The following TTN variants were observed in gnomAD, a reference collection of about 807,000 sequenced individuals.
TTN encodes the protein connectin.
In TTN, 1,525 loss-of-function variants were observed where a neutral mutation model predicts 3,223.0. That is an observed-to-expected ratio of 0.47 (90% CI 0.45 to 0.49). The LOEUF is 0.49. Among genes scored for constraint, TTN ranks in the 20% least tolerant of loss-of-function variants. The pLI is 0.00. For missense variants in TTN, 40,786 were observed against 43,424.0 expected (o/e 0.94, Z 5.40); for synonymous variants, 14,094 against 15,161.0 (o/e 0.93, Z 5.17).
chr2:178,531,967 C>T lies in TTN; in HGVS notation c.104648G>A (p.Arg34883His), dbSNP rs368063908. 16 of 1,613,428 alleles carry T rather than the reference C, an allele frequency of 9.9e-6. No individual in the cohort carries two copies. The highest frequency in any genetic ancestry group is 5.3e-5 in the African/African-American group (4 of 74,848). Residue 34883 changes from arginine to histidine, a missense_variant, in exon 358 of 363, where the codon CGC becomes CAC. Physicochemically the swap from Arg to His is conservative, Grantham distance 29. Coordinates refer to ENST00000589042, the MANE Select transcript of TTN (RefSeq NM_001267550.2). ...AGACACAGGGCTGGGGGATCGTGGG[C>T]GAGTTCTCTCTGGAGTAGGTGACCT... ...ERRSPTPERT[R>H]PRSPSPVSSE...
chr2:178,541,386 A>C lies in TTN; in HGVS notation c.97691T>G (p.Leu32564Arg). 1 of 1,610,816 alleles carries C rather than the reference A, an allele frequency of 6.2e-7. No homozygotes were observed. Among genetic ancestry groups the C allele is most frequent in the Non-Finnish European group, 8.5e-7 (1 of 1,178,386 alleles). ...VTMTRYRSTG[L>R]TEGLEYEHRV... The stretch of plus-strand genomic sequence containing the variant: ...GTGTTCATATTCTAAGCCTTCAGTA[A>C]GGCCAGTGGAGCGGTACCGTGTCAT... Residue 32564 changes from leucine to arginine, a missense_variant, in exon 350 of 363, where the codon CTT (leucine) becomes CGT (arginine). Leu to Arg is a moderately radical substitution (Grantham distance 102, BLOSUM62 -2). Coordinates refer to ENST00000589042, the MANE Select transcript of TTN (RefSeq NM_001267550.2).
Position 178,540,326 on chromosome 2 carries a change from T to C in TTN, c.97840A>G (p.Arg32614Gly), listed in dbSNP as rs1393941873. 6.2e-7 allele frequency: 1 copy of C among 1,613,690 alleles called. No homozygotes were observed. Among genetic ancestry groups the C allele is most frequent in the Non-Finnish European group, 8.5e-7 (1 of 1,179,666 alleles). ...PQNPRVTDTT[R>G]TSVSLAWSVP... ...CTCCAGGCCAGGGAGACTGATGTCC[T>C]TGTTGTATCAGTAACTCTTGGGTTT... The change falls in exon 351 of 363, where the codon AGG (arginine) becomes GGG (glycine). Residue 32614 changes from arginine to glycine, a missense_variant. Physicochemically the swap from Arg to Gly is moderately radical, Grantham distance 125. Coordinates refer to ENST00000589042, the MANE Select transcript of TTN (RefSeq NM_001267550.2).
Position 178,614,871 on chromosome 2 carries a change from CCT to C in TTN, c.48734_48735del (p.Glu16245GlyfsTer32). 1.9e-6 allele frequency: 3 copies of C among 1,574,156 alleles called. No homozygotes were observed. Among genetic ancestry groups the C allele is most frequent in the Non-Finnish European group, 2.6e-6 (3 of 1,158,350 alleles). ...CCTTGTGTGTCCACAGCCTGGATTT[CCT>C]CTGTGGGTCTGCTTGGTTTGCTAGC... The part of the protein sequence containing the change: ...QGASKPSRPT[E>X]EIQAVDTQEA... On this transcript the variant is annotated frameshift_variant, in exon 260 of 363. Coordinates refer to ENST00000589042, the MANE Select transcript of TTN (RefSeq NM_001267550.2). LOFTEE classifies it high-confidence loss of function.
chr2:178,632,976 T>G lies in TTN; in HGVS notation c.43155A>C (p.Thr14385=). ...LILHNCQLGM[T]GEVSFQAANA... is the part of the protein sequence containing the mutation. Reference sequence around the variant, plus strand: ...TAGCAGCCTGGAAGGAAACCTCTCCTGTCATACCCAGCTGACAGTTATGAA... The same window carrying G: ...TAGCAGCCTGGAAGGAAACCTCTCCGGTCATACCCAGCTGACAGTTATGAA... The change falls in exon 234 of 363, where the codon ACA becomes ACC. Residue 14385 remains threonine, a synonymous_variant. Coordinates refer to ENST00000589042, the MANE Select transcript of TTN (RefSeq NM_001267550.2). 6.2e-7 allele frequency: 1 copy of G among 1,613,270 alleles called. No homozygotes were observed. Among genetic ancestry groups the G allele is most frequent in the Non-Finnish European group, 8.5e-7 (1 of 1,179,450 alleles).
chr2:178,533,358 A>G lies in TTN; in HGVS notation c.103257T>C (p.Tyr34419=), dbSNP rs756803109. The change falls in exon 358 of 363, where the codon TAT becomes TAC. Residue 34419 remains tyrosine, a synonymous_variant. Coordinates refer to ENST00000589042, the MANE Select transcript of TTN (RefSeq NM_001267550.2). ...GCAAAGTGTCCCTGATGTGCAGAGC[A>G]TAATAATCCAAGCCTTCATGGATAA... ...IEIIHEGLDY[Y]ALHIRDTLPE... The G allele has an allele frequency of 2.5e-6, 4 of 1,613,562 alleles. No homozygotes were observed. Among genetic ancestry groups the G allele is most frequent in the African/African-American group, 2.7e-5 (2 of 74,922 alleles).
chr2:178,791,410 A>G (rs1259758788), intron 10 of TTN, among the ~76,000 whole-genome samples: 2 of 152,172 alleles, frequency 1.3e-5, no homozygotes, highest in African/African-American at 4.8e-5. Flanking sequence ...GAAGAATTCA[A>G]GATAAATGCC....
At chr2:178,774,543 G>A (rs1561267437) in intron 29 of TTN, 70 bp from the exon 30 acceptor site, 1 of 1,476,766 alleles carries the variant, frequency 6.8e-7, no homozygotes, top group East Asian at 2.3e-5. Flanking sequence ...GGATAGAGAT[G>A]ATGTCTTGTA....
Position 178,563,897 on chromosome 2 carries a change from G to T in TTN, c.82235C>A (p.Thr27412Lys), listed in dbSNP as rs201489661. The T allele has an allele frequency of 2.4e-4, 384 of 1,613,732 alleles. No homozygotes were observed. The highest frequency in any genetic ancestry group is 1.0e-3 in the South Asian group (93 of 91,074). Reference protein sequence around the residue: ...ISHYIIEKRETSRLSWTQVST... With the variant: ...ISHYIIEKREKSRLSWTQVST... Reference sequence around the variant, plus strand: ...AACCTGGGTCCAAGAGAGTCGGCTTGTCTCCCTCTTTTCAATGATGTAATG... The same window carrying T: ...AACCTGGGTCCAAGAGAGTCGGCTTTTCTCCCTCTTTTCAATGATGTAATG... Residue 27412 changes from threonine to lysine, a missense_variant, in exon 326 of 363, where the codon ACA (threonine) becomes AAA (lysine). Coordinates refer to ENST00000589042, the MANE Select transcript of TTN (RefSeq NM_001267550.2). This position sits in a 1 kb window ranked among gnomAD's most constrained non-coding sequence, Gnocchi z 4.5.
rs377575788 is a variant in TTN, at chr2:178,604,194, G to A, written c.54493C>T (p.Arg18165Cys). The A allele has an allele frequency of 3.1e-5, 50 of 1,611,726 alleles. No individual in the cohort carries two copies. Among genetic ancestry groups the A allele is most frequent in the Middle Eastern group, 3.3e-4 (2 of 6,062 alleles). Residue 18165 changes from arginine (R) to cysteine (C), a missense_variant, in exon 282 of 363, where the codon CGC becomes TGC. Arg to Cys is a radical substitution (Grantham distance 180, BLOSUM62 -3). Coordinates refer to ENST00000589042, the MANE Select transcript of TTN (RefSeq NM_001267550.2). The part of the protein sequence containing the change: ...SDKVVIQDPY[R>C]LPGPPGKPKV... ...GGTTTTCCTGGAGGTCCAGGAAGGC[G>A]ATAAGGATCTTGAATGACTACTTTA...
At position 178,546,253 on chromosome 2, in the gene TTN, G is replaced by T. The variant is rs2288326; in HGVS notation, c.95078C>A (p.Ala31693Asp). The T allele has an allele frequency of 2.0e-4, 316 of 1,613,268 alleles. 2 individuals are homozygous for T. The East Asian group carries it at 6.8e-3, about 35-fold the overall frequency. The stretch of plus-strand genomic sequence containing the variant: ...GACAGACACGGCCTTGGTCCCGCTG[G>T]CATTTTTCACTGTTAAAGTGTATTT... ...SGKYTLTVKN[A>D]SGTKAVSVMV... The change falls in exon 342 of 363, where the codon GCC (alanine) becomes GAC (aspartate). Residue 31693 changes from alanine to aspartate, a missense_variant. Transcript: ENST00000589042.
At chr2:178,684,454 G>A (rs2070293665) in intron 131 of TTN, 41 bp from the exon 132 acceptor site, 1 of 1,587,464 alleles carries the variant, frequency 6.3e-7, no homozygotes, top group South Asian at 1.1e-5. Context: ...ATATCAAAGT[G>A]GACGTAAAAA....
rs756578823 is a variant in TTN at position 178,652,693 on chromosome 2, G to A, written c.39003C>T (p.Pro13001=). Residue 13001 remains proline, a synonymous_variant, in exon 201 of 363, where the codon CCC becomes CCT. Coordinates refer to ENST00000589042, the MANE Select transcript of TTN (RefSeq NM_001267550.2). ...CTTCAGGCTTTTTAGGAGGAGCCGA[G>A]GGCACTTTCTTTTCAGGAACAACCT... The part of the protein sequence containing the change: ...PKEVVPEKKV[P]SAPPKKPEVP... 9 of 1,606,380 alleles carry A rather than the reference G, an allele frequency of 5.6e-6. No homozygotes were observed. Among genetic ancestry groups the A allele is most frequent in the Non-Finnish European group, 6.8e-6 (8 of 1,176,594 alleles).
chr2:178,791,583 AT>A (rs934572185), intron 10 of TTN, among the ~76,000 whole-genome samples: 2 of 150,988 alleles, frequency 1.3e-5, no homozygotes, highest in African/African-American at 4.9e-5. Flanking sequence ...TTGAGGAAGT[AT>A]TTGCTTTCTC....
rs1056281241 is a variant in TTN, at chr2:178,550,991, T to C, written c.91540A>G (p.Ile30514Val). 1 of 1,613,186 alleles carries C rather than the reference T, an allele frequency of 6.2e-7. No individual in the cohort carries two copies. The highest frequency in any genetic ancestry group is 8.5e-7 in the Non-Finnish European group (1 of 1,179,540). The change falls in exon 336 of 363, where the codon ATT becomes GTT. Residue 30514 changes from isoleucine to valine, a missense_variant. Physicochemically the swap from Ile to Val is conservative, Grantham distance 29. Coordinates refer to ENST00000589042, the MANE Select transcript of TTN (RefSeq NM_001267550.2). ...CCATTTTCATCTCTTGTCATAATAA[T>C]GCCAGAAGACTGTGAGGGCGGGCTT... ...TISPPSQSSG[I>V]IMTRDENVPP...
At position 178,663,662 on chromosome 2, in the gene TTN, G is replaced by C; in HGVS notation, c.36497C>G (p.Ala12166Gly). Residue 12166 changes from alanine (A) to glycine (G), a missense_variant, in exon 171 of 363, where the codon GCT (alanine) becomes GGT (glycine). Physicochemically the swap from Ala to Gly is moderately conservative, Grantham distance 60. Coordinates refer to ENST00000589042, the MANE Select transcript of TTN (RefSeq NM_001267550.2). ...EVVPEKKAPV[A>G]PPKEPEVPPV... The stretch of plus-strand genomic sequence containing the variant: ...TGGGACTTCAGGCTCTTTAGGAGGA[G>C]CCACTGGCGCTTTCTTTTCAGGAAC... 5.6e-6 allele frequency: 9 copies of C among 1,612,570 alleles called. No homozygotes were observed. The South Asian group carries it at 9.9e-5, about 18-fold the overall frequency.
chr2:178,682,696 C>G lies in TTN; in HGVS notation c.33094+1G>C. The G allele has an allele frequency of 6.2e-7, 1 of 1,609,716 alleles. No individual in the cohort carries two copies. Among genetic ancestry groups the G allele is most frequent in the Non-Finnish European group, 8.5e-7 (1 of 1,178,234 alleles). ...TTTTGAGTTTGCAGTTTTGCTCATACCTGTGATGTATTCTTCATGCTCTTC... is the reference window on the plus strand; with the variant it reads ...TTTTGAGTTTGCAGTTTTGCTCATAGCTGTGATGTATTCTTCATGCTCTTC... On this transcript the variant is annotated splice_donor_variant, in intron 135 of 362. Coordinates refer to ENST00000589042, the MANE Select transcript of TTN (RefSeq NM_001267550.2). LOFTEE classifies it high-confidence loss of function.
chr2:178,782,549 C>G lies in TTN; in HGVS notation c.3154G>C (p.Glu1052Gln). The G allele has an allele frequency of 6.2e-7, 1 of 1,614,016 alleles. No homozygotes were observed. Among genetic ancestry groups the G allele is most frequent in the Non-Finnish European group, 8.5e-7 (1 of 1,179,968 alleles). Reference protein sequence around the residue: ...TTAVTEKFTTEEKRFVESRDV... With the variant: ...TTAVTEKFTTQEKRFVESRDV... ...AGCAAAATATTTTACCGTTTCTCTT[C>G]TGTAGTAAATTTCTCAGTCACGGCT... Residue 1052 changes from glutamate (E) to glutamine (Q), a missense_variant, in exon 19 of 363, where the codon GAA becomes CAA. By Grantham distance (29) the Glu-to-Gln change is conservative. Transcript: ENST00000589042.
At chr2:178,777,637 G>T in intron 25 of TTN, 53 bp from the exon 26 acceptor site, 1 of 1,613,236 alleles carries the variant, frequency 6.2e-7, no homozygotes, top group Non-Finnish European at 8.5e-7. Context: ...TTTAAAAATT[G>T]TTAGATGCAT....
At position 178,719,451 on chromosome 2, in the gene TTN, T is replaced by G. The variant is rs1307695988; in HGVS notation, c.23939A>C (p.Asp7980Ala). 2 of 1,610,856 alleles carry G rather than the reference T, an allele frequency of 1.2e-6. No homozygotes were observed. Among genetic ancestry groups the G allele is most frequent in the Non-Finnish European group, 1.7e-6 (2 of 1,177,890 alleles). Reference sequence around the variant, plus strand: ...GATGAAGGAAGGAGGCACAATCCGATCTATGTGGGGAAGGGTAGTTTTGCG... The same window carrying G: ...GATGAAGGAAGGAGGCACAATCCGAGCTATGTGGGGAAGGGTAGTTTTGCG... ...SNCTVSVHVS[D>A]RIVPPSFIRK... Residue 7980 changes from aspartate (D) to alanine (A), a missense_variant and splice_region_variant, in exon 83 of 363, where the codon GAT becomes GCT. Coordinates refer to ENST00000589042, the MANE Select transcript of TTN (RefSeq NM_001267550.2).
Sources: gnomAD v4.1 joint callset for allele counts (sites outside exome capture counted in the v4.1 genomes callset) on GRCh38, gnomAD v4.1.1 for gene constraint, Gnocchi (gnomAD v3.1) non-coding constraint, MANE v1.5 for transcripts, NCBI Gene and HGNC (gene_info 2026-07-23, HGNC 2026-07-21) for gene names.